RTN1: variants seen among roughly 807,000 people sequenced by gnomAD.
RTN1 encodes reticulon 1.
RTN1 carries 25 observed loss-of-function variants against 65.5 expected under a neutral mutation model. The ratio of observed to expected loss-of-function variants is 0.38; its 90% CI spans 0.28 to 0.53. The LOEUF (loss-of-function observed/expected upper bound fraction) is 0.53, where lower values mean the gene tolerates loss of function less well. RTN1 is among the 20% of genes least tolerant of loss of function. The probability of loss-of-function intolerance (pLI) is 0.79; values close to 1 mark genes in which losing one functional copy is unlikely to be tolerated. For synonymous variants in RTN1, 471 were observed against 447.6 expected (o/e 1.05, Z -0.66); for missense variants, 983 against 1,025.4 (o/e 0.96, Z 0.57).
rs553701518 is a variant in RTN1 at position 59,637,259 on chromosome 14, C to G, written c.1766-29767G>C. Among the ~76,000 whole-genome samples the G allele has an allele frequency of 2.0e-4, 30 of 152,310 alleles. 1 individual carries two copies. The South Asian group carries it at 6.2e-3, about 32-fold the overall frequency. Reference sequence around the variant, plus strand: ...TCAAGAAACCACTTTCTTTGGTCATCCATAAGAAGCAACTCCTCATCCATT... The same window carrying G: ...TCAAGAAACCACTTTCTTTGGTCATGCATAAGAAGCAACTCCTCATCCATT... On this transcript the variant is annotated intron_variant, in intron 3 of 8. Transcript: ENST00000267484.
At chr14:59,815,872 A>G (rs982017700) in intron 1 of RTN1, among the ~76,000 whole-genome samples, 6 of 152,132 alleles carry the variant, frequency 3.9e-5, no homozygotes, top group African/African-American at 1.4e-4. Context: ...GTATATCTGC[A>G]ACTGTCCCCA....
chr14:59,745,817 C>T lies in RTN1; in HGVS notation c.906G>A (p.Glu302=), dbSNP rs1164034153. ...TTGGCTTTAGACATATATCTTGCTT[C>T]TCAGGGGTCTTCTCTTGGGTAGTGG... The part of the protein sequence containing the change: ...VETTTQEKTP[E]KQDICLKPSP... The change falls in exon 2 of 9, where the codon GAG becomes GAA. Residue 302 remains glutamate (E), a synonymous_variant. Transcript: ENST00000267484. 1 of 1,614,008 alleles carries T rather than the reference C, an allele frequency of 6.2e-7. No homozygotes were observed. Among genetic ancestry groups the T allele is most frequent in the South Asian group, 1.1e-5 (1 of 91,046 alleles).
intron 3 of RTN1, among the ~76,000 whole-genome samples, chr14:59,631,074 C>A (rs914943449): frequency 2.0e-5 from 3 of 152,232 alleles, no homozygotes; most frequent in Non-Finnish European, 4.4e-5. Context: ...TCACTTCTCC[C>A]TCTAACTCTT....
intron 1 of RTN1, among the ~76,000 whole-genome samples, chr14:59,827,106 T>C (rs1887045082): frequency 6.6e-6 from 1 of 151,968 alleles, no homozygotes; most frequent in South Asian, 2.1e-4. Context: ...TGAGACAGAG[T>C]CTCGCTCTGT....
intron 3 of RTN1, among the ~76,000 whole-genome samples, chr14:59,638,452 A>G (rs77665778): frequency 0.018 from 2,729 of 152,318 alleles, 76 homozygotes; most frequent in African/African-American, 0.062. Flanking sequence ...AGAGTAGAGT[A>G]GATTTAACAT....
At chr14:59,792,283 G>A (rs1319677574) in intron 1 of RTN1, among the ~76,000 whole-genome samples, 2 of 151,810 alleles carry the variant, frequency 1.3e-5, no homozygotes, top group Non-Finnish European at 2.9e-5. Flanking sequence ...CCCAGAAGCA[G>A]CTCTAAGTAA....
chr14:59,784,756 A>G (rs1343137482), intron 1 of RTN1, among the ~76,000 whole-genome samples: 1 of 152,174 alleles, frequency 6.6e-6, no homozygotes, highest in Admixed American at 6.5e-5. Flanking sequence ...GTGCAAATTC[A>G]TATTTTATGT....
chr14:59,808,466 T>G (rs1312874414), intron 1 of RTN1, among the ~76,000 whole-genome samples: 1 of 152,228 alleles, frequency 6.6e-6, no homozygotes, highest in Non-Finnish European at 1.5e-5. Flanking sequence ...TTTTGATTAT[T>G]TATGTTGACA....
chr14:59,712,061 G>A (rs770460165), intron 3 of RTN1, among the ~76,000 whole-genome samples: 5 of 152,148 alleles, frequency 3.3e-5, no homozygotes, highest in Non-Finnish European at 5.9e-5. Context: ...ATAAAGGAAA[G>A]CCTCCACCAA....
chr14:59,735,432 C>T (rs1165582938), intron 2 of RTN1, among the ~76,000 whole-genome samples: 2 of 152,164 alleles, frequency 1.3e-5, no homozygotes, highest in African/African-American at 2.4e-5. Context: ...AATTAAAAGA[C>T]ACAAAGTGGC....
Position 59,825,708 on chromosome 14 carries a change from C to T in RTN1, c.241+44682G>A, listed in dbSNP as rs574352538. On this transcript the variant is annotated intron_variant, in intron 1 of 8. Coordinates refer to ENST00000267484, the MANE Select transcript of RTN1 (RefSeq NM_021136.3). The surrounding 1 kb of genome is among the most constrained non-coding windows in gnomAD (Gnocchi z 4.2). Reference sequence around the variant, plus strand: ...GTTACTGTGTGCTCTTAGAGTTACACAGAATTTTACAGTCTACCTTCCTCA... The same window carrying T: ...GTTACTGTGTGCTCTTAGAGTTACATAGAATTTTACAGTCTACCTTCCTCA... Among the ~76,000 whole-genome samples the T allele has an allele frequency of 6.6e-6, 1 of 152,320 alleles. No individual in the cohort carries two copies. The highest frequency in any genetic ancestry group is 1.9e-4 in the East Asian group (1 of 5,172).
chr14:59,689,152 G>A (rs1303810664), intron 3 of RTN1, among the ~76,000 whole-genome samples: 1 of 151,960 alleles, frequency 6.6e-6, no homozygotes, highest in Non-Finnish European at 1.5e-5. Flanking sequence ...ACTCATTTAA[G>A]AAATTTCAAT....
chr14:59,786,209 A>G (rs755621670), intron 1 of RTN1, among the ~76,000 whole-genome samples: 1 of 152,184 alleles, frequency 6.6e-6, no homozygotes, highest in Non-Finnish European at 1.5e-5. Flanking sequence ...ACCTACCTCA[A>G]ACAGAAGTCC....
At chr14:59,716,672 G>A (rs1884539790) in intron 3 of RTN1, among the ~76,000 whole-genome samples, 1 of 152,022 alleles carries the variant, frequency 6.6e-6, no homozygotes, top group South Asian at 2.1e-4. Flanking sequence ...TTGTGGTGGT[G>A]TGAGTGAGAA....
intron 3 of RTN1, among the ~76,000 whole-genome samples, chr14:59,663,057 A>C (rs1465051808): frequency 1.3e-5 from 2 of 152,214 alleles, no homozygotes; most frequent in African/African-American, 4.8e-5. Flanking sequence ...TGGTACTGCT[A>C]CCAAAACAGA....
At chr14:59,783,248 T>C (rs1221234519) in intron 1 of RTN1, among the ~76,000 whole-genome samples, 2 of 152,192 alleles carry the variant, frequency 1.3e-5, no homozygotes, top group East Asian at 3.8e-4. Flanking sequence ...TTCCACTGTA[T>C]GTGCAATAAA....
rs144985291 is a variant in RTN1 at position 59,773,797 on chromosome 14, C to G, written c.242-27316G>C. Among the ~76,000 whole-genome samples, 435 of 152,156 alleles carry G rather than the reference C, an allele frequency of 2.9e-3. 1 individual carries two copies. Among genetic ancestry groups the G allele is most frequent in the African/African-American group, 0.01 (419 of 41,516 alleles). On this transcript the variant is annotated intron_variant, in intron 1 of 8. Transcript: ENST00000267484. ...TACTGTCTTTCTTCTACCCTGGTTTCTATCATCTCATTAATTATCCTAAAC... is the reference window on the plus strand; with the variant it reads ...TACTGTCTTTCTTCTACCCTGGTTTGTATCATCTCATTAATTATCCTAAAC...
chr14:59,714,947 C>T (rs1884503375), intron 3 of RTN1, among the ~76,000 whole-genome samples: 1 of 152,184 alleles, frequency 6.6e-6, no homozygotes, highest in Admixed American at 6.5e-5. Context: ...GAGCGTGAAC[C>T]TTATTGTAAA....
chr14:59,771,936 T>C (rs1885967062), intron 1 of RTN1, among the ~76,000 whole-genome samples: 1 of 152,242 alleles, frequency 6.6e-6, no homozygotes, highest in South Asian at 2.1e-4. Context: ...ATTTAAATTG[T>C]AAAATAACCA....
Sources: gnomAD v4.1 joint callset for allele counts (sites outside exome capture counted in the v4.1 genomes callset) on GRCh38, gnomAD v4.1.1 for gene constraint, Gnocchi (gnomAD v3.1) non-coding constraint, MANE v1.5 for transcripts, NCBI Gene and HGNC (gene_info 2026-07-23, HGNC 2026-07-21) for gene names.